Variants in NFKB1 observed in about 807,000 individuals in gnomAD.
The protein encoded by NFKB1 is nuclear factor NF-kappa-B p105 subunit.
NFKB1 carries 9 observed loss-of-function variants against 105.1 expected under a neutral mutation model. That is an observed-to-expected ratio of 0.09 (90% CI 0.05 to 0.15). NFKB1 has a LOEUF of 0.15. Ranked by LOEUF, NFKB1 falls within the 10% of genes least tolerant of loss-of-function variation. NFKB1 has a pLI of 1.00. For missense variants in NFKB1, 830 were observed against 1,203.7 expected, an observed-to-expected ratio of 0.69 and a Z score of 4.59; for synonymous variants, 440 against 442.2, an observed-to-expected ratio of 1.00 and a Z score of 0.06.
rs1725144821 is a variant in NFKB1 at position 102,579,511 on chromosome 4, T to A, written c.730+472T>A. 2.0e-5 allele frequency among the ~76,000 whole-genome samples: 3 copies of A among 151,932 alleles called. No homozygotes were observed. In the South Asian group the frequency reaches 6.2e-4, roughly 31 times the overall value. Reference sequence around the variant, plus strand: ...ATGAATGAGTAGCATAGACAGCATGTGACTTCAAAATCCTATTTCAAGCCG... The same window carrying A: ...ATGAATGAGTAGCATAGACAGCATGAGACTTCAAAATCCTATTTCAAGCCG... On this transcript the variant is annotated intron_variant, in intron 8 of 23. Coordinates refer to ENST00000226574, the MANE Select transcript of NFKB1 (RefSeq NM_003998.4).
At chr4:102,555,500 G>T (rs921724296) in intron 5 of NFKB1, among the ~76,000 whole-genome samples, 5 of 152,168 alleles carry the variant, frequency 3.3e-5, no homozygotes, top group Middle Eastern at 3.2e-3. Flanking sequence ...TGCCATGTGG[G>T]AATTGTTGAA....
intron 3 of NFKB1, 45 bp downstream of exon 3, chr4:102,529,959 T>G: frequency 7.2e-7 from 1 of 1,381,402 alleles, no homozygotes. Flanking sequence ...GCTTTCAGTC[T>G]TAGTAAAATG....
intron 1 of NFKB1, among the ~76,000 whole-genome samples, chr4:102,523,398 C>T (rs1740693296): frequency 6.6e-6 from 1 of 152,182 alleles, no homozygotes; most frequent in Non-Finnish European, 1.5e-5. Context: ...TTGTACACTG[C>T]TCTGCATCCC....
At chr4:102,568,396 C>T (rs1724050655) in intron 6 of NFKB1, among the ~76,000 whole-genome samples, 1 of 152,092 alleles carries the variant, frequency 6.6e-6, no homozygotes, top group South Asian at 2.1e-4. Flanking sequence ...TGGCGTGTCT[C>T]CTGTTGTATG....
chr4:102,615,945 C>T (rs554367865), intron 23 of NFKB1, among the ~76,000 whole-genome samples: 119 of 152,300 alleles, frequency 7.8e-4, no homozygotes, highest in African/African-American at 2.7e-3. Context: ...TCACCAAAAT[C>T]ATTTTACTTT....
At chr4:102,559,318 G>A (rs1196314465) in intron 5 of NFKB1, among the ~76,000 whole-genome samples, 1 of 152,108 alleles carries the variant, frequency 6.6e-6, no homozygotes, top group African/African-American at 2.4e-5. Flanking sequence ...ATAGTATAAT[G>A]AGCCCCCTTG....
chr4:102,520,893 T>C (rs1443928167), intron 1 of NFKB1, among the ~76,000 whole-genome samples: 1 of 152,194 alleles, frequency 6.6e-6, no homozygotes, highest in Non-Finnish European at 1.5e-5. Context: ...GAGTCAAACC[T>C]TAAATTCAGG....
In NFKB1 at chr4:102,588,534, A is replaced by C. The variant is rs80134181; in HGVS notation, c.1066+3714A>C. On this transcript the variant is annotated intron_variant, in intron 11 of 23. Transcript: ENST00000226574. ...GGGATAAATAATCTTTAAATTATGA[A>C]AGGTATGGCCAAGATAAATGCAGTC... Among the ~76,000 whole-genome samples, 1,354 of 152,324 alleles carry C rather than the reference A, an allele frequency of 8.9e-3. 14 individuals are homozygous for C. Among genetic ancestry groups the C allele is most frequent in the African/African-American group, 0.03 (1,247 of 41,576 alleles).
chr4:102,576,610 C>T (rs745802984), intron 6 of NFKB1, among the ~76,000 whole-genome samples: 4 of 152,088 alleles, frequency 2.6e-5, no homozygotes, highest in African/African-American at 9.7e-5. Context: ...TTATATATTT[C>T]GCTGAGGAAA....
chr4:102,612,478 A>G lies in NFKB1; in HGVS notation c.2464A>G (p.Lys822Glu). 6.2e-7 allele frequency: 1 copy of G among 1,613,802 alleles called. No individual in the cohort carries two copies. The highest frequency in any genetic ancestry group is 1.1e-5 in the South Asian group (1 of 91,070). Reference protein sequence around the residue: ...LAEDVKLQLYKLLEIPDPDKN... With the variant: ...LAEDVKLQLYELLEIPDPDKN... ...TGAAGATGTGAAGCTGCAGCTGTAT[A>G]AGTTACTAGAAATTCCTGATCCAGA... The change falls in exon 22 of 24, where the codon AAG becomes GAG. Residue 822 changes from lysine (K) to glutamate (E), a missense_variant. By Grantham distance (56) the Lys-to-Glu change is moderately conservative. This residue lies in a region of NFKB1 where 418 missense variants were observed against 575.3 expected (regional missense o/e 0.73). Transcript: ENST00000226574.
chr4:102,549,889 C>T (rs1352447653), intron 5 of NFKB1, among the ~76,000 whole-genome samples: 15 of 152,118 alleles, frequency 9.9e-5, no homozygotes, highest in Non-Finnish European at 1.5e-5. Context: ...TTCTTCAGCA[C>T]CTCCAATGCT....
At chr4:102,558,962 G>A (rs1353590491) in intron 5 of NFKB1, among the ~76,000 whole-genome samples, 1 of 152,170 alleles carries the variant, frequency 6.6e-6, no homozygotes, top group Non-Finnish European at 1.5e-5. Context: ...TTTTGGTAGG[G>A]GTAGAGTGGT....
At chr4:102,542,681 A>G (rs536919293) in intron 5 of NFKB1, among the ~76,000 whole-genome samples, 15 of 152,338 alleles carry the variant, frequency 9.8e-5, no homozygotes, top group African/African-American at 3.4e-4. Flanking sequence ...TGGCATTTTC[A>G]AGAAAGTTAA....
chr4:102,578,824 G>T lies in NFKB1; in HGVS notation c.572-57G>T, dbSNP rs70937095. ...ATTATTTGGGCTTTATAAAAGCATG[G>T]TCTTTTAAATGTTCACACTTCCCTG... On this transcript the variant is annotated intron_variant, in intron 7 of 23. Coordinates refer to ENST00000226574, the MANE Select transcript of NFKB1 (RefSeq NM_003998.4). The T allele has an allele frequency of 1.9e-6, 3 of 1,542,474 alleles. No homozygotes were observed. In the African/African-American group the frequency reaches 4.1e-5, roughly 21 times the overall value.
chr4:102,614,337 A>G lies in NFKB1; in HGVS notation c.2749+756A>G, dbSNP rs570675493. Among the ~76,000 whole-genome samples, 27 of 152,086 alleles carry G rather than the reference A, an allele frequency of 1.8e-4. 1 individual carries two copies. In the South Asian group the frequency reaches 2.9e-3, roughly 16 times the overall value. On this transcript the variant is annotated intron_variant, in intron 23 of 23. Coordinates refer to ENST00000226574, the MANE Select transcript of NFKB1 (RefSeq NM_003998.4). Reference sequence around the variant, plus strand: ...CCTTTACTAGGTTGTTGTTCCTGTTAATTCTTACCTCTCTCTCCTGTACTA... The same window carrying G: ...CCTTTACTAGGTTGTTGTTCCTGTTGATTCTTACCTCTCTCTCCTGTACTA...
At position 102,613,452 on chromosome 4, in the gene NFKB1, G is replaced by A. The variant is rs995077819; in HGVS notation, c.2620G>A (p.Val874Met). 1 of 1,613,928 alleles carries A rather than the reference G, an allele frequency of 6.2e-7. No homozygotes were observed. ...EVSGGTVREL[V>M]EALRQMGYTE... ...CTCTGGGGGTACAGTCAGAGAGCTG[G>A]TGGAGGCCCTGAGACAAATGGGCTA... is the stretch of plus-strand genomic sequence containing the variant. The change falls in exon 23 of 24, where the codon GTG (valine) becomes ATG (methionine). Residue 874 changes from valine (V) to methionine (M), a missense_variant. This residue lies in a region of NFKB1 where 418 missense variants were observed against 575.3 expected (regional missense o/e 0.73). Coordinates refer to ENST00000226574, the MANE Select transcript of NFKB1 (RefSeq NM_003998.4).
chr4:102,595,427 A>C (rs1436947457), intron 13 of NFKB1, among the ~76,000 whole-genome samples: 1 of 152,220 alleles, frequency 6.6e-6, no homozygotes, highest in African/African-American at 2.4e-5. Flanking sequence ...GGTCCATTCT[A>C]GTGTACCCAT....
At chr4:102,610,775 T>C in intron 20 of NFKB1, 76 bp downstream of exon 20, 8 of 1,531,370 alleles carry the variant, frequency 5.2e-6, no homozygotes, top group Non-Finnish European at 7.1e-6. Flanking sequence ...CAGATGGTCT[T>C]CCTGGTGCTT....
intron 14 of NFKB1, among the ~76,000 whole-genome samples, chr4:102,597,024 C>T (rs1009756827): frequency 5.9e-5 from 9 of 152,034 alleles, no homozygotes; most frequent in African/African-American, 2.2e-4. Flanking sequence ...TCACAAATGC[C>T]ATTCCCTGAC....
Sources: gnomAD v4.1 joint callset for allele counts (sites outside exome capture counted in the v4.1 genomes callset) on GRCh38, gnomAD v4.1.1 for gene constraint, gnomAD v4.1.1 regional missense constraint, MANE v1.5 for transcripts, NCBI Gene and HGNC (gene_info 2026-07-23, HGNC 2026-07-21) for gene names.